The following HDAC9 variants were observed in gnomAD, a reference collection of about 807,000 sequenced individuals.
The protein encoded by HDAC9 is histone deacetylase 9.
A neutral mutation model predicts 139.4 loss-of-function variants in HDAC9; 41 were observed. The ratio of observed to expected loss-of-function variants is 0.29; its 90% CI spans 0.23 to 0.38. The LOEUF (loss-of-function observed/expected upper bound fraction) is 0.38. Ranked by LOEUF, HDAC9 falls within the 10% of genes least tolerant of loss-of-function variation. The pLI is 1.00. For synonymous variants in HDAC9, 517 were observed against 476.2 expected, an observed-to-expected ratio of 1.09 and a Z score of -1.12; for missense variants, 1,147 against 1,297.0, an observed-to-expected ratio of 0.88 and a Z score of 1.78.
chr7:18,675,821 GA>G (rs1781467409), intron 12 of HDAC9, among the ~76,000 whole-genome samples: 1 of 151,904 alleles, frequency 6.6e-6, no homozygotes, highest in South Asian at 2.1e-4. Flanking sequence ...TCTCAGGCTG[GA>G]ATGTTCTTTG....
chr7:18,749,210 G>T (rs1462858524), intron 14 of HDAC9, 72 bp downstream of exon 14: 6 of 1,483,184 alleles, frequency 4.0e-6, no homozygotes, highest in Admixed American at 3.7e-5. Flanking sequence ...TTCATTTGGG[G>T]AGTAATAGAA....
intron 2 of HDAC9, among the ~76,000 whole-genome samples, chr7:18,220,591 G>T (rs540626577): frequency 8.5e-5 from 13 of 152,144 alleles, no homozygotes; most frequent in African/African-American, 3.1e-4. Context: ...CACAGAGACA[G>T]ATAACCATGT....
At chr7:18,831,444 C>T (rs532643888) in intron 19 of HDAC9, among the ~76,000 whole-genome samples, 6 of 152,160 alleles carry the variant, frequency 3.9e-5, no homozygotes, top group Non-Finnish European at 8.8e-5. Flanking sequence ...CAAGGAGTTT[C>T]CTGTAAGCTT....
At chr7:18,172,447 T>G (rs1788527455) in intron 2 of HDAC9, among the ~76,000 whole-genome samples, 1 of 152,212 alleles carries the variant, frequency 6.6e-6, no homozygotes, top group South Asian at 2.1e-4. Flanking sequence ...TGTCTCTATC[T>G]CCTTCAGTTC....
chr7:18,287,334 G>A (rs1313322320), upstream of HDAC9, among the ~76,000 whole-genome samples: 1 of 152,074 alleles, frequency 6.6e-6, no homozygotes, highest in East Asian at 1.9e-4. Context: ...AGATACTCCA[G>A]TTTATTCTAT....
intron 21 of HDAC9, among the ~76,000 whole-genome samples, chr7:18,861,228 A>G (rs1031082122): frequency 2.0e-5 from 3 of 152,182 alleles, no homozygotes; most frequent in African/African-American, 7.2e-5. Context: ...TTTCTCAGCA[A>G]AAGAGTGTTT....
intron 24 of HDAC9, among the ~76,000 whole-genome samples, chr7:18,959,114 A>G (rs773320936): frequency 2.0e-5 from 3 of 152,166 alleles, no homozygotes; most frequent in Non-Finnish European, 4.4e-5. Context: ...ACTTTTCTGC[A>G]TGGCATGGTG....
rs1258972386 is a variant in HDAC9, at chr7:18,438,390, G to T, written c.-41-57872G>T. ...GATATACTATTAGAAAAGTTTGAGG[G>T]ACCATGTTTTCATTTAACAATTTAA... On this transcript the variant is annotated intron_variant, in intron 1 of 3. Coordinates refer to the HDAC9 transcript ENST00000413509. Among the ~76,000 whole-genome samples, 5 of 152,152 alleles carry T rather than the reference G, an allele frequency of 3.3e-5. No individual in the cohort carries two copies. In the South Asian group the frequency reaches 1.0e-3, roughly 32 times the overall value.
chr7:18,844,388 G>A (rs899870792), intron 21 of HDAC9, among the ~76,000 whole-genome samples: 1 of 152,160 alleles, frequency 6.6e-6, no homozygotes, highest in Non-Finnish European at 1.5e-5. Flanking sequence ...GGACAAAATA[G>A]ATTATTCAGT....
intron 2 of HDAC9, among the ~76,000 whole-genome samples, chr7:18,194,262 G>A (rs1790577110): frequency 6.6e-6 from 1 of 152,052 alleles, no homozygotes. Flanking sequence ...ACATATCTCT[G>A]TAGGATTTTC....
chr7:18,282,124 T>C (rs1042890202), intron 2 of HDAC9, among the ~76,000 whole-genome samples: 7 of 152,186 alleles, frequency 4.6e-5, no homozygotes, highest in Non-Finnish European at 8.8e-5. Flanking sequence ...ATCATCATAA[T>C]ATCCTTCTTA....
Position 18,439,150 on chromosome 7 carries a change from G to A in HDAC9, c.-41-57112G>A, listed in dbSNP as rs75748482. Among the ~76,000 whole-genome samples the A allele has an allele frequency of 6.3e-3, 954 of 152,026 alleles. 11 individuals carry two copies. Among genetic ancestry groups the A allele is most frequent in the African/African-American group, 0.022 (897 of 41,434 alleles). ...GTGGCTTTGAATAATGCTAAATTTC[G>A]CTTCTGATCATCCCAGAGAATCAAA... On this transcript the variant is annotated intron_variant, in intron 1 of 3. Coordinates refer to the HDAC9 transcript ENST00000413509.
chr7:18,820,742 A>G (rs947602427), intron 17 of HDAC9, among the ~76,000 whole-genome samples: 5 of 152,192 alleles, frequency 3.3e-5, no homozygotes, highest in African/African-American at 1.2e-4. Flanking sequence ...GTGAGCAAAA[A>G]GTAGATGTTT....
At chr7:18,448,573 T>G (rs1468405179) in intron 1 of HDAC9, among the ~76,000 whole-genome samples, 1 of 152,194 alleles carries the variant, frequency 6.6e-6, no homozygotes, top group Non-Finnish European at 1.5e-5. Flanking sequence ...TTATGGTAAA[T>G]TGAACATTTG....
intron 21 of HDAC9, among the ~76,000 whole-genome samples, chr7:18,871,708 G>A (rs1214414402): frequency 6.6e-6 from 1 of 152,054 alleles, no homozygotes; most frequent in African/African-American, 2.4e-5. Flanking sequence ...ACCCTCAAAT[G>A]CATTATTCAA....
chr7:18,529,213 A>G (rs964939192), intron 2 of HDAC9, among the ~76,000 whole-genome samples: 1 of 152,164 alleles, frequency 6.6e-6, no homozygotes. Context: ...AAAATGGTCA[A>G]ATGTCATCCA....
intron 19 of HDAC9, among the ~76,000 whole-genome samples, chr7:18,833,544 A>G (rs1269585420): frequency 6.6e-6 from 1 of 152,232 alleles, no homozygotes; most frequent in Non-Finnish European, 1.5e-5. Context: ...AACAAACACA[A>G]AAGACATTGT....
At chr7:18,349,083 T>A (rs1408393952) in intron 1 of HDAC9, among the ~76,000 whole-genome samples, 6 of 152,126 alleles carry the variant, frequency 3.9e-5, no homozygotes, top group Non-Finnish European at 7.4e-5. Context: ...GAACATGAAT[T>A]TCTCCCATTG....
chr7:18,732,594 T>A (rs1193876629), intron 13 of HDAC9, among the ~76,000 whole-genome samples: 8 of 146,406 alleles, frequency 5.5e-5, no homozygotes, highest in African/African-American at 2.1e-4. Flanking sequence ...TACACACACG[T>A]GTATATGTGT....
Sources: gnomAD v4.1 joint callset for allele counts (sites outside exome capture counted in the v4.1 genomes callset) on GRCh38, gnomAD v4.1.1 for gene constraint, MANE v1.5 for transcripts, NCBI Gene and HGNC (gene_info 2026-07-23, HGNC 2026-07-21) for gene names.